CA7: variants seen among roughly 807,000 people sequenced by gnomAD.
The protein encoded by CA7 is carbonate dehydratase VII.
Under a neutral mutation model 31.4 loss-of-function variants are expected in CA7, and 13 were observed. The ratio of observed to expected loss-of-function variants is 0.41; its 90% CI spans 0.27 to 0.66. The LOEUF is 0.66. Among genes scored for constraint, CA7 ranks in the 30% least tolerant of loss-of-function variants. The pLI is 0.28. For missense variants in CA7, 215 were observed against 351.0 expected, an observed-to-expected ratio of 0.61 and a Z score of 3.10; for synonymous variants, 128 against 133.2, an observed-to-expected ratio of 0.96 and a Z score of 0.27.
chr16:66,849,996 T>A (rs1377565239), intron 2 of CA7, among the ~76,000 whole-genome samples: 1 of 151,688 alleles, frequency 6.6e-6, no homozygotes, highest in Non-Finnish European at 1.5e-5. Context: ...GGCAGGTGCC[T>A]GTAATCCCAG....
rs1032304364 is a variant in CA7 at position 66,844,827 on chromosome 16, TCTCA to T, written c.40+308_40+311del. The stretch of plus-strand genomic sequence containing the variant: ...AGCCCGCTCAGACCCAGGCCCAGAC[TCTCA>T]CTCACTCGCCCCGGGCGTGCGCAGC... On this transcript the variant is annotated intron_variant, in intron 1 of 6. Transcript: ENST00000338437. 12 of 903,222 alleles carry T rather than the reference TCTCA, an allele frequency of 1.3e-5. No individual in the cohort carries two copies. The African/African-American group carries it at 1.6e-4, about 12-fold the overall frequency. The allele number at this position is 903,222 out of a possible 1,614,324, so 56.0% of individuals were successfully genotyped here. A position where few individuals can be genotyped will look rare whatever the true frequency, so the allele number is the denominator to read the frequency against.
chr16:66,852,318 C>A (rs1232024421), intron 5 of CA7, among the ~76,000 whole-genome samples: 1 of 151,882 alleles, frequency 6.6e-6, no homozygotes, highest in African/African-American at 2.4e-5. Flanking sequence ...CAAAAATTAG[C>A]CAGGTATGGT....
chr16:66,849,779 G>A (rs756554418), intron 2 of CA7, among the ~76,000 whole-genome samples: 1 of 152,118 alleles, frequency 6.6e-6, no homozygotes, highest in Non-Finnish European at 1.5e-5. Flanking sequence ...TTCTGCCCTG[G>A]CCCAGCTCAA....
chr16:66,849,672 C>T (rs1490229409), intron 2 of CA7, among the ~76,000 whole-genome samples: 1 of 152,152 alleles, frequency 6.6e-6, no homozygotes. Context: ...GGGTCCCACC[C>T]TCCATGGGAA....
chr16:66,852,901 T>C (rs201618818), intron 6 of CA7, 34 bp downstream of exon 6: 4 of 1,600,302 alleles, frequency 2.5e-6, no homozygotes, highest in Non-Finnish European at 3.4e-6. Context: ...TGGAGGGACA[T>C]GGCACTCAGG....
rs1961112823 is a variant in CA7, at chr16:66,853,581, T to C, written c.*83T>C. On this transcript the variant is annotated 3_prime_UTR_variant, in exon 7 of 7. Coordinates refer to ENST00000338437, the MANE Select transcript of CA7 (RefSeq NM_005182.3). This position sits in a 1 kb window ranked among gnomAD's most constrained non-coding sequence, Gnocchi z 4.5. ...AGCAGACACCAAACCATCTGAGGCT[T>C]CCTCCCTGGGGGGTGCTGGGGACCC... 6.4e-7 allele frequency: 1 copy of C among 1,570,712 alleles called. No individual in the cohort carries two copies. Among genetic ancestry groups the C allele is most frequent in the Middle Eastern group, 2.2e-4 (1 of 4,548 alleles).
intron 5 of CA7, 83 bp downstream of exon 5, chr16:66,851,809 C>T (rs1335114478): frequency 2.4e-6 from 3 of 1,234,988 alleles, no homozygotes; most frequent in South Asian, 2.5e-5. Flanking sequence ...TCCAGTCCTT[C>T]ATTCTGGGAG....
intron 3 of CA7, among the ~76,000 whole-genome samples, chr16:66,850,990 C>T (rs185234328): frequency 1.4e-3 from 215 of 152,292 alleles, no homozygotes; most frequent in Non-Finnish European, 2.3e-3. Flanking sequence ...TTCCCCTCAC[C>T]TCTTCATACA....
In CA7 at chr16:66,844,445, C is replaced by T; in HGVS notation, c.-43C>T. Reference sequence around the variant, plus strand: ...GGAGCCGCAGCCCGAACGAGCGGACCGAGCCGACCGGGCAGGTGCACGGCT... The same window carrying T: ...GGAGCCGCAGCCCGAACGAGCGGACTGAGCCGACCGGGCAGGTGCACGGCT... On this transcript the variant is annotated 5_prime_UTR_variant, in exon 1 of 7. Transcript: ENST00000338437. 6.6e-7 allele frequency: 1 copy of T among 1,516,804 alleles called. No individual in the cohort carries two copies. The highest frequency in any genetic ancestry group is 8.9e-7 in the Non-Finnish European group (1 of 1,127,714). 94.0% of individuals were successfully genotyped at this position (1,516,804 alleles called of 1,614,324 possible). A position where few individuals can be genotyped will look rare whatever the true frequency, so the allele number is the denominator to read the frequency against.
At chr16:66,851,784 C>T in intron 5 of CA7, 58 bp downstream of exon 5, 1 of 1,504,058 alleles carries the variant, frequency 6.6e-7, no homozygotes, top group East Asian at 2.4e-5. Context: ...GAGGCTGGCT[C>T]ACAAGTTGGG....
At chr16:66,845,521 C>T (rs1208084992) in intron 1 of CA7, among the ~76,000 whole-genome samples, 1 of 152,128 alleles carries the variant, frequency 6.6e-6, no homozygotes, top group African/African-American at 2.4e-5. Context: ...GAGTCTTTGG[C>T]TCCCTCTGGG....
At chr16:66,845,255 G>A in intron 1 of CA7, 1 of 985,050 alleles carries the variant, frequency 1.0e-6, no homozygotes, top group Non-Finnish European at 1.2e-6. Flanking sequence ...GACGGCTGGA[G>A]TGTGGGTCTG....
chr16:66,851,244 C>G (rs537026014), intron 3 of CA7, among the ~76,000 whole-genome samples: 1 of 152,194 alleles, frequency 6.6e-6, no homozygotes, highest in Non-Finnish European at 1.5e-5. Flanking sequence ...CTCTTTGGGT[C>G]CCCCGGAGCC....
chr16:66,850,927 G>A (rs1961033082), intron 3 of CA7, among the ~76,000 whole-genome samples: 2 of 152,108 alleles, frequency 1.3e-5, no homozygotes, highest in African/African-American at 4.8e-5. Context: ...CCCTTTAAGG[G>A]TTGAGCCCAG....
chr16:66,847,975 G>A (rs747169333), intron 2 of CA7, among the ~76,000 whole-genome samples: 1 of 152,368 alleles, frequency 6.6e-6, no homozygotes, highest in Non-Finnish European at 1.5e-5. Flanking sequence ...ACTGGGTAGA[G>A]TGGTGGAATG....
intron 2 of CA7, 52 bp from the exon 3 acceptor site, chr16:66,850,489 G>A (rs550415974): frequency 4.9e-6 from 5 of 1,028,280 alleles, no homozygotes; most frequent in South Asian, 3.8e-5. Flanking sequence ...TCCTGGCACT[G>A]GGCTGTCGGT....
intron 1 of CA7, chr16:66,845,322 T>A: frequency 3.1e-5 from 22 of 699,612 alleles, no homozygotes; most frequent in South Asian, 6.4e-5. Context: ...GGGTGTGGGG[T>A]AAGGGGTTCC....
intron 1 of CA7, among the ~76,000 whole-genome samples, chr16:66,845,395 A>C (rs1941527493): frequency 6.6e-6 from 1 of 151,882 alleles, no homozygotes; most frequent in African/African-American, 2.4e-5. Context: ...TAATGATGGG[A>C]GGAACATCCC....
rs1250145633 is a variant in CA7, at chr16:66,852,604, AAAGAAAAAAG to A, written c.517-105_517-96del. On this transcript the variant is annotated intron_variant, in intron 5 of 6. Transcript: ENST00000338437. ...AAGAAAAGAAAAAAAAAAGAAAAGAAAAGAAAAAAGAAAAGAAAAAAGAAAGAAAGAGATG... is the reference window on the plus strand; with the variant it reads ...AAGAAAAGAAAAAAAAAAGAAAAGAAAAAAGAAAAAAGAAAGAAAGAGATG... The A allele has an allele frequency of 2.4e-5, 8 of 339,354 alleles. No individual in the cohort carries two copies. In the Admixed American group the frequency reaches 2.4e-4, roughly 10 times the overall value. The allele number at this position is 339,354 out of a possible 1,614,324, so 21.0% of individuals were successfully genotyped here. A position where few individuals can be genotyped will look rare whatever the true frequency, so the allele number is the denominator to read the frequency against.
Sources: allele counts gnomAD v4.1 joint callset (sites outside exome capture counted in the v4.1 genomes callset), GRCh38; gene constraint gnomAD v4.1.1; non-coding constraint Gnocchi (gnomAD v3.1); transcripts MANE v1.5; gene names NCBI Gene and HGNC (gene_info 2026-07-23, HGNC 2026-07-21).